MRPS11: variants seen among roughly 807,000 people sequenced by gnomAD.
The protein encoded by MRPS11 is small ribosomal subunit protein uS11m.
MRPS11 carries 27 observed loss-of-function variants against 24.3 expected under a neutral mutation model. The observed-to-expected ratio is 1.11, with a 90% CI of 0.82 to 1.53. The LOEUF is 1.53. MRPS11 is among the 40% of genes most tolerant of loss of function. The pLI is 0.00. For synonymous variants in MRPS11, 104 were observed against 98.7 expected (o/e 1.05, Z -0.32); for missense variants, 277 against 256.5 (o/e 1.08, Z -0.55).
rs112557864 is a variant in MRPS11, at chr15:88,477,136, G to A, written c.477+82G>A. On this transcript the variant is annotated intron_variant, in intron 5 of 5. Transcript: ENST00000325844. The surrounding 1 kb of genome is among the most constrained non-coding windows in gnomAD (Gnocchi z 5.7). ...GGCTTGAGAGCAGAGTACAGGGAGAGTAGAAAACACCTTTTAGTGGATTTC... is the reference window on the plus strand; with the variant it reads ...GGCTTGAGAGCAGAGTACAGGGAGAATAGAAAACACCTTTTAGTGGATTTC... The A allele has an allele frequency of 3.6e-5, 45 of 1,253,368 alleles. No homozygotes were observed. The African/African-American group carries it at 4.4e-4, about 12-fold the overall frequency. 77.6% of individuals were successfully genotyped at this position (1,253,368 alleles called of 1,614,324 possible).
Position 88,476,783 on chromosome 15 carries a change from G to C in MRPS11, c.412-206G>C. 3 of 580,740 alleles carry C rather than the reference G, an allele frequency of 5.2e-6. 1 individual carries two copies. In the South Asian group the frequency reaches 6.1e-5, roughly 12 times the overall value. 36.0% of individuals were successfully genotyped at this position (580,740 alleles called of 1,614,324 possible). On this transcript the variant is annotated intron_variant, in intron 4 of 5. Coordinates refer to ENST00000325844, the MANE Select transcript of MRPS11 (RefSeq NM_022839.5). ...GCTGTCCTAGGCTAAACAGATCACA[G>C]TCACGTGAATTCTGCAACCTGCCAA...
chr15:88,470,597 G>A (rs2055675491), intron 2 of MRPS11, among the ~76,000 whole-genome samples: 1 of 152,204 alleles, frequency 6.6e-6, no homozygotes, highest in South Asian at 2.1e-4. Context: ...TTTGGCTCAA[G>A]GTGGGGAGAT....
intron 2 of MRPS11, among the ~76,000 whole-genome samples, chr15:88,470,218 G>A (rs1043413167): frequency 1.3e-5 from 2 of 152,172 alleles, no homozygotes; most frequent in African/African-American, 2.4e-5. Context: ...AGGACGCTGA[G>A]GCAGGAGAAT....
At position 88,472,710 on chromosome 15, in the gene MRPS11, A is replaced by G. The variant is rs200489584; in HGVS notation, c.266A>G (p.Lys89Arg). The G allele has an allele frequency of 1.2e-6, 2 of 1,613,536 alleles. No homozygotes were observed. Among genetic ancestry groups the G allele is most frequent in the East Asian group, 2.2e-5 (1 of 44,896 alleles). ...GAGGAGATCCCAATTGCACACATTA[A>G]AGCATCCCACAACAAGTAAGTGGGA... ...KFEEIPIAHI[K>R]ASHNNTQIQV... Residue 89 changes from lysine (K) to arginine (R), a missense_variant, in exon 3 of 6, where the codon AAA becomes AGA. Transcript: ENST00000325844.
intron 2 of MRPS11, among the ~76,000 whole-genome samples, chr15:88,470,287 C>A (rs1463991130): frequency 6.6e-6 from 1 of 152,054 alleles, no homozygotes. Context: ...TGCAGTCCAG[C>A]CTGGACGAGA....
In MRPS11 at chr15:88,475,628, C is replaced by A. The variant is rs1329033103; in HGVS notation, c.411+389C>A. On this transcript the variant is annotated intron_variant, in intron 4 of 5. Transcript: ENST00000325844. This position sits in a 1 kb window ranked among gnomAD's most constrained non-coding sequence, Gnocchi z 4.1. ...GAGGCTGCAGTGAACTATGATCTCA[C>A]CACTGCACTAAAGCCTGGGCAACAG... 6.6e-6 allele frequency among the ~76,000 whole-genome samples: 1 copy of A among 152,004 alleles called. No homozygotes were observed. Among genetic ancestry groups the A allele is most frequent in the Non-Finnish European group, 1.5e-5 (1 of 68,032 alleles).
chr15:88,467,976 C>G lies in MRPS11; in HGVS notation c.134C>G (p.Ala45Gly), dbSNP rs1281151821. 4 of 1,611,752 alleles carry G rather than the reference C, an allele frequency of 2.5e-6. No individual in the cohort carries two copies. Among genetic ancestry groups the G allele is most frequent in the Non-Finnish European group, 3.4e-6 (4 of 1,179,298 alleles). The change falls in exon 2 of 6, where the codon GCC (alanine) becomes GGC (glycine). Residue 45 changes from alanine to glycine, a missense_variant. Transcript: ENST00000325844. ...TGARQLQDAAAKQKVEQNAAP... is the reference protein window; with the variant it reads ...TGARQLQDAAGKQKVEQNAAP... ...GCTCGACAGCTCCAAGACGCTGCGGCCAAGCAGAAAGTTGAACAGAACGCG... is the reference window on the plus strand; with the variant it reads ...GCTCGACAGCTCCAAGACGCTGCGGGCAAGCAGAAAGTTGAACAGAACGCG...
Position 88,477,749 on chromosome 15 carries a change from T to G in MRPS11, c.478-123T>G. On this transcript the variant is annotated intron_variant, in intron 5 of 5. Coordinates refer to ENST00000325844, the MANE Select transcript of MRPS11 (RefSeq NM_022839.5). The surrounding 1 kb of genome is among the most constrained non-coding windows in gnomAD (Gnocchi z 5.7). ...TTGGGATTATAGGTATCAAAGCCAG[T>G]GAGCATCTCACCCCTCCGTTCCCTT... is the stretch of plus-strand genomic sequence containing the variant. The G allele has an allele frequency of 1.3e-6, 1 of 784,124 alleles. No homozygotes were observed. Among genetic ancestry groups the G allele is most frequent in the Non-Finnish European group, 2.2e-6 (1 of 456,920 alleles). 48.6% of individuals were successfully genotyped at this position (784,124 alleles called of 1,614,324 possible).
Position 88,476,906 on chromosome 15 carries a change from C to T in MRPS11, c.412-83C>T, listed in dbSNP as rs2055833356. 3.6e-6 allele frequency: 5 copies of T among 1,398,520 alleles called. No homozygotes were observed. The African/African-American group carries it at 4.3e-5, about 12-fold the overall frequency. 86.6% of individuals were successfully genotyped at this position (1,398,520 alleles called of 1,614,324 possible). A position where few individuals can be genotyped will look rare whatever the true frequency, so the allele number is the denominator to read the frequency against. On this transcript the variant is annotated intron_variant, in intron 4 of 5. Coordinates refer to ENST00000325844, the MANE Select transcript of MRPS11 (RefSeq NM_022839.5). ...GATGCCCTTTCCCTGAGCTCACACACCCCTTGCTCTAGGAGGCAGTAGCAA... is the reference window on the plus strand; with the variant it reads ...GATGCCCTTTCCCTGAGCTCACACATCCCTTGCTCTAGGAGGCAGTAGCAA...
At position 88,475,901 on chromosome 15, in the gene MRPS11, G is replaced by A. The variant is rs1172264625; in HGVS notation, c.411+662G>A. Among the ~76,000 whole-genome samples the A allele has an allele frequency of 2.0e-5, 3 of 152,006 alleles. No individual in the cohort carries two copies. The East Asian group carries it at 5.8e-4, about 29-fold the overall frequency. On this transcript the variant is annotated intron_variant, in intron 4 of 5. Transcript: ENST00000325844. This position sits in a 1 kb window ranked among gnomAD's most constrained non-coding sequence, Gnocchi z 4.1. ...GAACCCAGGAGGTGGAGGTTGCAGT[G>A]ACTCGAGATCACACCACTGCACTCC...
At chr15:88,471,499 A>G (rs1038477574) in intron 2 of MRPS11, among the ~76,000 whole-genome samples, 5 of 152,222 alleles carry the variant, frequency 3.3e-5, no homozygotes, top group Non-Finnish European at 7.3e-5. Context: ...TTCCAGCTCC[A>G]TTGCTGAAGG....
chr15:88,476,973 C>T lies in MRPS11; in HGVS notation c.412-16C>T, dbSNP rs754458022. ...AGTTCTCTCTCCGGGGCACTAACCA[C>T]TCTGCTTCTCTCCAGAGAGCTAAAC... On this transcript the variant is annotated splice_polypyrimidine_tract_variant and intron_variant, in intron 4 of 5. Coordinates refer to ENST00000325844, the MANE Select transcript of MRPS11 (RefSeq NM_022839.5). 1.1e-5 allele frequency: 18 copies of T among 1,609,536 alleles called. 1 individual carries two copies. Among genetic ancestry groups the T allele is most frequent in the Middle Eastern group, 3.3e-4 (2 of 6,046 alleles).
At position 88,477,310 on chromosome 15, in the gene MRPS11, T is replaced by C. The variant is rs1290307099; in HGVS notation, c.477+256T>C. On this transcript the variant is annotated intron_variant, in intron 5 of 5. Transcript: ENST00000325844. This position sits in a 1 kb window ranked among gnomAD's most constrained non-coding sequence, Gnocchi z 5.7. ...GGGAAGGTGGTTCCTGGGGGAACTG[T>C]CACAAACAAATCCCTTAGGACAGAC... 1.3e-5 allele frequency among the ~76,000 whole-genome samples: 2 copies of C among 152,218 alleles called. No individual in the cohort carries two copies. Among genetic ancestry groups the C allele is most frequent in the African/African-American group, 4.8e-5 (2 of 41,458 alleles).
chr15:88,475,094 C>T lies in MRPS11; in HGVS notation c.282-16C>T. On this transcript the variant is annotated splice_polypyrimidine_tract_variant and intron_variant, in intron 3 of 5. Coordinates refer to ENST00000325844, the MANE Select transcript of MRPS11 (RefSeq NM_022839.5). The surrounding 1 kb of genome is among the most constrained non-coding windows in gnomAD (Gnocchi z 4.1). ...AAGAAGAGTTGTATCCTATGTGCTT[C>T]TTCTACTTTTCTCAGCACACAGATC... 1 of 1,614,022 alleles carries T rather than the reference C, an allele frequency of 6.2e-7. No homozygotes were observed. Among genetic ancestry groups the T allele is most frequent in the Non-Finnish European group, 8.5e-7 (1 of 1,179,910 alleles).
At position 88,475,092 on chromosome 15, in the gene MRPS11, T is replaced by G. The variant is rs774700656; in HGVS notation, c.282-18T>G. On this transcript the variant is annotated intron_variant, in intron 3 of 5. Coordinates refer to ENST00000325844, the MANE Select transcript of MRPS11 (RefSeq NM_022839.5). This position sits in a 1 kb window ranked among gnomAD's most constrained non-coding sequence, Gnocchi z 4.1. Reference sequence around the variant, plus strand: ...TGAAGAAGAGTTGTATCCTATGTGCTTCTTCTACTTTTCTCAGCACACAGA... The same window carrying G: ...TGAAGAAGAGTTGTATCCTATGTGCGTCTTCTACTTTTCTCAGCACACAGA... 6.2e-7 allele frequency: 1 copy of G among 1,613,500 alleles called. No homozygotes were observed. Among genetic ancestry groups the G allele is most frequent in the South Asian group, 1.1e-5 (1 of 91,070 alleles).
chr15:88,477,779 A>G lies in MRPS11; in HGVS notation c.478-93A>G, dbSNP rs765914985. On this transcript the variant is annotated intron_variant, in intron 5 of 5. Transcript: ENST00000325844. The surrounding 1 kb of genome is among the most constrained non-coding windows in gnomAD (Gnocchi z 5.7). Reference sequence around the variant, plus strand: ...ATCTCACCCCTCCGTTCCCTTCTCTACGCCACCCTGTCCCTCTCCGAACCC... The same window carrying G: ...ATCTCACCCCTCCGTTCCCTTCTCTGCGCCACCCTGTCCCTCTCCGAACCC... The G allele has an allele frequency of 3.7e-5, 40 of 1,074,108 alleles. No individual in the cohort carries two copies. Among genetic ancestry groups the G allele is most frequent in the Non-Finnish European group, 4.9e-5 (35 of 710,478 alleles). 66.5% of individuals were successfully genotyped at this position (1,074,108 alleles called of 1,614,324 possible). A position where few individuals can be genotyped will look rare whatever the true frequency, so the allele number is the denominator to read the frequency against.
At chr15:88,470,187 G>T (rs542179590) in intron 2 of MRPS11, among the ~76,000 whole-genome samples, 16 of 152,096 alleles carry the variant, frequency 1.1e-4, no homozygotes, top group African/African-American at 3.9e-4. Flanking sequence ...TGGTGGCGTG[G>T]GTCTATAATC....
intron 2 of MRPS11, chr15:88,468,741 A>T (rs2055612773): frequency 6.1e-6 from 1 of 164,480 alleles, no homozygotes; most frequent in Admixed American, 6.5e-5. Flanking sequence ...CGGGTGCAGT[A>T]GCTCATGCCT....
intron 2 of MRPS11, chr15:88,468,287 CAT>C: frequency 7.9e-7 from 1 of 1,272,342 alleles, no homozygotes; most frequent in South Asian, 1.9e-5. Context: ...ATATCCATAA[CAT>C]GTATCAGCGT....
Sources: allele counts gnomAD v4.1 joint callset (sites outside exome capture counted in the v4.1 genomes callset), GRCh38; gene constraint gnomAD v4.1.1; non-coding constraint Gnocchi (gnomAD v3.1); transcripts MANE v1.5; gene names NCBI Gene and HGNC (gene_info 2026-07-23, HGNC 2026-07-21).